Variants in MYO9A observed in about 807,000 individuals in gnomAD.
MYO9A encodes the protein myosin IXA.
In MYO9A, 103 loss-of-function variants were observed where a neutral mutation model predicts 293.3. The ratio of observed to expected loss-of-function variants is 0.35; its 90% confidence interval spans 0.30 to 0.41. The LOEUF (loss-of-function observed/expected upper bound fraction) is 0.41. MYO9A is among the 10% of genes least tolerant of loss of function. MYO9A has a pLI of 1.00. For synonymous variants in MYO9A, 1,001 were observed against 1,035.7 expected (o/e 0.97, Z 0.64); for missense variants, 2,685 against 3,033.0 (o/e 0.89, Z 2.69).
intron 1 of MYO9A, among the ~76,000 whole-genome samples, chr15:72,074,951 CTTTTTTTTTT>C (rs750462703): frequency 1.9e-4 from 10 of 53,130 alleles, no homozygotes; most frequent in South Asian, 1.1e-3. Context: ...TTTTCACTGC[CTTTTTTTTTT>C]TTTTTTTTTT....
chr15:71,921,344 T>C (rs751958884), intron 18 of MYO9A, among the ~76,000 whole-genome samples: 2 of 152,338 alleles, frequency 1.3e-5, no homozygotes, highest in African/African-American at 2.4e-5. Flanking sequence ...GAGTCATAGT[T>C]GTACAAACTA....
In MYO9A at chr15:72,070,064, G is replaced by C. The variant is rs539731995; in HGVS notation, c.-71-23430C>G. Among the ~76,000 whole-genome samples, 26 of 150,668 alleles carry C rather than the reference G, an allele frequency of 1.7e-4. No homozygotes were observed. The East Asian group carries it at 4.8e-3, about 28-fold the overall frequency. Reference sequence around the variant, plus strand: ...GAATCACTTGAACCCGGGAGGCAGAGGTTGCAGTGAGCCGAGATATCTCCA... The same window carrying C: ...GAATCACTTGAACCCGGGAGGCAGACGTTGCAGTGAGCCGAGATATCTCCA... On this transcript the variant is annotated intron_variant, in intron 1 of 41. Transcript: ENST00000356056.
intron 5 of MYO9A, among the ~76,000 whole-genome samples, chr15:72,019,646 A>G (rs1293831985): frequency 6.6e-6 from 1 of 152,236 alleles, no homozygotes; most frequent in African/African-American, 2.4e-5. Context: ...CAATATATTA[A>G]TACAAAGTCA....
At chr15:71,883,842 T>G (rs765230698) in intron 27 of MYO9A, 106 bp from the exon 28 acceptor site, 1 of 996,658 alleles carries the variant, frequency 1.0e-6, no homozygotes, top group Non-Finnish European at 1.4e-6. Context: ...ATTAGCTCAT[T>G]TAAGCTTCAC....
intron 1 of MYO9A, among the ~76,000 whole-genome samples, chr15:72,055,342 G>A (rs927501665): frequency 3.3e-5 from 5 of 152,224 alleles, no homozygotes; most frequent in African/African-American, 1.2e-4. Context: ...AATGGATCAA[G>A]GACTTAAATC....
At chr15:72,101,693 G>A (rs1439266059) in intron 1 of MYO9A, among the ~76,000 whole-genome samples, 4 of 140,358 alleles carry the variant, frequency 2.8e-5, no homozygotes, top group African/African-American at 5.3e-5. Flanking sequence ...GGAGGTGGGG[G>A]GGGTCAGCCC....
intron 34 of MYO9A, among the ~76,000 whole-genome samples, chr15:71,856,914 G>A (rs1248513110): frequency 2.0e-5 from 3 of 152,164 alleles, no homozygotes; most frequent in Admixed American, 2.0e-4. Flanking sequence ...ACTTCAGAGG[G>A]TTGTTGTAGA....
At chr15:72,066,643 G>A (rs1473105234) in intron 1 of MYO9A, among the ~76,000 whole-genome samples, 1 of 152,132 alleles carries the variant, frequency 6.6e-6, no homozygotes, top group Non-Finnish European at 1.5e-5. Flanking sequence ...TATATAGGCA[G>A]GGCACAAAAG....
chr15:71,854,459 C>T lies in MYO9A; in HGVS notation c.6264G>A (p.Met2088Ile). ...VVEKLINYIE[M>I]HGLYTEGIYR... is the part of the protein sequence containing the mutation. ...AAATACCTTCTGTATACAGTCCATGCATTTCAATGTAGTTTATGAGCTTTT... is the reference window on the plus strand; with the variant it reads ...AAATACCTTCTGTATACAGTCCATGTATTTCAATGTAGTTTATGAGCTTTT... Residue 2088 changes from methionine (M) to isoleucine (I), a missense_variant, in exon 35 of 42, where the codon ATG becomes ATA. By Grantham distance (10) the Met-to-Ile change is conservative. Coordinates refer to ENST00000356056, the MANE Select transcript of MYO9A (RefSeq NM_006901.4). 1 of 1,613,620 alleles carries T rather than the reference C, an allele frequency of 6.2e-7. No homozygotes were observed. The highest frequency in any genetic ancestry group is 1.1e-5 in the South Asian group (1 of 90,948).
intron 38 of MYO9A, among the ~76,000 whole-genome samples, chr15:71,849,613 G>A (rs573114581): frequency 6.6e-6 from 1 of 151,030 alleles, no homozygotes; most frequent in East Asian, 1.9e-4. Flanking sequence ...AGATTGAGGA[G>A]AGCAAAAGAA....
chr15:72,046,492 A>C lies in MYO9A; in HGVS notation c.72T>G (p.Ala24=), dbSNP rs1159318169. 6.2e-7 allele frequency: 1 copy of C among 1,614,052 alleles called. No individual in the cohort carries two copies. The highest frequency in any genetic ancestry group is 8.5e-7 in the Non-Finnish European group (1 of 1,180,040). ...NEHTLRIYPG[A]ISEGTIYCPI... is the part of the protein sequence containing the mutation. The stretch of plus-strand genomic sequence containing the variant: ...GACAGTAGATTGTCCCTTCTGAAAT[A>C]GCCCCAGGATATATCCGTAATGTAT... Residue 24 remains alanine, a synonymous_variant, in exon 2 of 42, where the codon GCT becomes GCG. Coordinates refer to ENST00000356056, the MANE Select transcript of MYO9A (RefSeq NM_006901.4).
chr15:71,898,392 C>T lies in MYO9A; in HGVS notation c.4111G>A (p.Asp1371Asn), dbSNP rs775070234. 1.2e-6 allele frequency: 2 copies of T among 1,613,588 alleles called. No homozygotes were observed. Among genetic ancestry groups the T allele is most frequent in the Non-Finnish European group, 8.5e-7 (1 of 1,180,014 alleles). The change falls in exon 25 of 42, where the codon GAC becomes AAC. Residue 1371 changes from aspartate (D) to asparagine (N), a missense_variant. By Grantham distance (23) the Asp-to-Asn change is conservative (BLOSUM62 1). This residue lies in a region of MYO9A where 1,434 missense variants were observed against 1,497.7 expected (regional missense o/e 0.96). Transcript: ENST00000356056. ...TCATTTGAGGCACTGAGGGCATTGT[C>T]CCGTGAATCAAATTTTGGACTGCTG... The part of the protein sequence containing the change: ...ISSSPKFDSR[D>N]NALSASNETS...
At chr15:72,068,876 T>C (rs968622531) in intron 1 of MYO9A, among the ~76,000 whole-genome samples, 1 of 152,152 alleles carries the variant, frequency 6.6e-6, no homozygotes. Context: ...TCATACAGCA[T>C]TTACTGTATG....
intron 1 of MYO9A, among the ~76,000 whole-genome samples, chr15:72,086,455 G>A (rs1468830903): frequency 6.6e-6 from 1 of 152,144 alleles, no homozygotes; most frequent in African/African-American, 2.4e-5. Flanking sequence ...CACTGGCAGG[G>A]CAGGGCTGAA....
chr15:72,059,558 C>T (rs552563869), intron 1 of MYO9A, among the ~76,000 whole-genome samples: 4 of 152,244 alleles, frequency 2.6e-5, no homozygotes, highest in South Asian at 4.1e-4. Context: ...TATTTTCTTT[C>T]ACTCTGTATT....
At chr15:71,942,731 C>T (rs1019318413) in intron 15 of MYO9A, among the ~76,000 whole-genome samples, 1 of 151,910 alleles carries the variant, frequency 6.6e-6, no homozygotes, top group African/African-American at 2.4e-5. Context: ...AAAGTCATCC[C>T]CTTCTCATTA....
intron 18 of MYO9A, among the ~76,000 whole-genome samples, chr15:71,918,986 A>G (rs1486165935): frequency 6.6e-6 from 1 of 152,192 alleles, no homozygotes; most frequent in Non-Finnish European, 1.5e-5. Context: ...CTGAATTTGT[A>G]GTTTAAATGT....
At chr15:72,069,857 C>A (rs2079132510) in intron 1 of MYO9A, among the ~76,000 whole-genome samples, 1 of 151,956 alleles carries the variant, frequency 6.6e-6, no homozygotes, top group Non-Finnish European at 1.5e-5. Flanking sequence ...GTGGCTCACG[C>A]CTGTAATCCC....
At chr15:71,991,018 G>A (rs2076530760) in intron 11 of MYO9A, 85 bp downstream of exon 11, 2 of 1,217,184 alleles carry the variant, frequency 1.6e-6, no homozygotes, top group Non-Finnish European at 2.2e-6. Context: ...AATAAAATGT[G>A]TGAAAAAATG....
Sources: gnomAD v4.1 joint callset for allele counts (sites outside exome capture counted in the v4.1 genomes callset) on GRCh38, gnomAD v4.1.1 for gene constraint, gnomAD v4.1.1 regional missense constraint, MANE v1.5 for transcripts, NCBI Gene and HGNC (gene_info 2026-07-23, HGNC 2026-07-21) for gene names.